Variants in CSMD1 observed in about 807,000 individuals in gnomAD.
CSMD1 encodes CUB and sushi domain-containing protein 1.
CSMD1 carries 213 observed loss-of-function variants against 417.5 expected under a neutral mutation model. The observed-to-expected ratio is 0.51, with a 90% CI of 0.46 to 0.57. The LOEUF is 0.57. CSMD1 is among the 20% of genes least tolerant of loss of function. The pLI, the probability that CSMD1 is intolerant of heterozygous loss-of-function variation, is 0.00. For missense variants in CSMD1, 6,923 were observed against 4,529.7 expected, an observed-to-expected ratio of 1.53 and a Z score of -15.17; for synonymous variants, 2,862 against 1,736.8, an observed-to-expected ratio of 1.65 and a Z score of -16.11.
intron 12 of CSMD1, among the ~76,000 whole-genome samples, chr8:3,411,064 C>T (rs554888136): frequency 4.1e-4 from 63 of 152,260 alleles, no homozygotes; most frequent in African/African-American, 1.5e-3. Context: ...AAGGGAGGCC[C>T]TGCCTGTTGG....
At chr8:3,889,177 T>C (rs1806774452) in intron 5 of CSMD1, among the ~76,000 whole-genome samples, 1 of 151,860 alleles carries the variant, frequency 6.6e-6, no homozygotes, top group South Asian at 2.1e-4. Context: ...AGTGTGACGA[T>C]GCAAGATTCG....
Position 4,297,710 on chromosome 8 carries a change from C to G in CSMD1, c.415+122243G>C, listed in dbSNP as rs543926076. Among the ~76,000 whole-genome samples, 5 of 152,198 alleles carry G rather than the reference C, an allele frequency of 3.3e-5. No individual in the cohort carries two copies. In the East Asian group the frequency reaches 9.6e-4, roughly 29 times the overall value. On this transcript the variant is annotated intron_variant, in intron 3 of 69. Transcript: ENST00000635120. ...GCATTAACCCGGAGCCATCGGTGAT[C>G]GCCTCTGTGTTGGAAGATCATTCAA...
intron 3 of CSMD1, among the ~76,000 whole-genome samples, chr8:4,126,422 C>A (rs1802769099): frequency 6.6e-6 from 1 of 152,110 alleles, no homozygotes; most frequent in African/African-American, 2.4e-5. Context: ...AGGACAGCAC[C>A]CTAGCGAAGA....
At chr8:4,350,742 C>T (rs1198965353) in intron 3 of CSMD1, among the ~76,000 whole-genome samples, 1 of 152,178 alleles carries the variant, frequency 6.6e-6, no homozygotes, top group Non-Finnish European at 1.5e-5. Context: ...TTGCTCTTCT[C>T]TAAATCCAGT....
At chr8:4,925,036 G>C (rs143139701) in intron 1 of CSMD1, among the ~76,000 whole-genome samples, 1 of 152,052 alleles carries the variant, frequency 6.6e-6, no homozygotes, top group East Asian at 1.9e-4. Flanking sequence ...CAAGTGACTT[G>C]AATTACTACA....
intron 3 of CSMD1, among the ~76,000 whole-genome samples, chr8:4,110,393 G>T (rs1291906733): frequency 6.6e-6 from 1 of 152,064 alleles, no homozygotes; most frequent in Non-Finnish European, 1.5e-5. Flanking sequence ...TCAGCCAGCA[G>T]AAAGAGTCAA....
intron 8 of CSMD1, among the ~76,000 whole-genome samples, chr8:3,612,313 C>T (rs1237852241): frequency 6.6e-6 from 1 of 152,050 alleles, no homozygotes; most frequent in Admixed American, 6.6e-5. Flanking sequence ...GAAGCAAAAA[C>T]TGATAAAGCT....
chr8:3,822,888 C>A (rs1285916833), intron 5 of CSMD1, among the ~76,000 whole-genome samples: 2 of 152,014 alleles, frequency 1.3e-5, no homozygotes, highest in Non-Finnish European at 2.9e-5. Flanking sequence ...TAAATGAGAA[C>A]CAGAGTAACT....
In CSMD1 at chr8:4,812,458, C is replaced by T. The variant is rs551845208; in HGVS notation, c.86-174900G>A. On this transcript the variant is annotated intron_variant, in intron 1 of 69. Coordinates refer to ENST00000635120, the MANE Select transcript of CSMD1 (RefSeq NM_033225.6). ...GTAAAAAGAGTACTTGAAACGTTCCCGACACATAGAAATAATACTTAAGTT... is the reference window on the plus strand; with the variant it reads ...GTAAAAAGAGTACTTGAAACGTTCCTGACACATAGAAATAATACTTAAGTT... Among the ~76,000 whole-genome samples the T allele has an allele frequency of 2.3e-4, 35 of 152,136 alleles. 1 individual carries two copies. The South Asian group carries it at 6.9e-3, about 30-fold the overall frequency.
intron 1 of CSMD1, among the ~76,000 whole-genome samples, chr8:4,760,236 T>C (rs1811954693): frequency 6.6e-6 from 1 of 152,216 alleles, no homozygotes; most frequent in Non-Finnish European, 1.5e-5. Context: ...TATGCACTAT[T>C]TTTAGAGTAC....
intron 4 of CSMD1, among the ~76,000 whole-genome samples, chr8:4,015,630 T>C (rs2688403): frequency 0.24 from 31,699 of 132,764 alleles, 4,345 homozygotes; most frequent in South Asian, 0.33. Context: ...AATACAACAG[T>C]CTCAAAATAG....
chr8:4,586,305 C>T (rs1453395855), intron 2 of CSMD1, among the ~76,000 whole-genome samples: 2 of 152,166 alleles, frequency 1.3e-5, no homozygotes, highest in African/African-American at 2.4e-5. Flanking sequence ...AATTTTTCCC[C>T]AGGCAATTCC....
At chr8:3,423,178 C>T (rs1301206672) in intron 12 of CSMD1, among the ~76,000 whole-genome samples, 1 of 152,142 alleles carries the variant, frequency 6.6e-6, no homozygotes, top group Non-Finnish European at 1.5e-5. Context: ...TTAGGTACCA[C>T]AAATTTTACC....
At chr8:3,286,044 T>C (rs1803129285) in intron 25 of CSMD1, among the ~76,000 whole-genome samples, 1 of 152,166 alleles carries the variant, frequency 6.6e-6, no homozygotes, top group Non-Finnish European at 1.5e-5. Flanking sequence ...TTCTCACTGT[T>C]CAACTCCCAC....
chr8:4,317,729 A>G (rs932906649), intron 3 of CSMD1, among the ~76,000 whole-genome samples: 1 of 152,180 alleles, frequency 6.6e-6, no homozygotes, highest in African/African-American at 2.4e-5. Context: ...AGCTCAGCTG[A>G]GTACATGTCT....
chr8:3,191,780 A>AAATAGTTAT (rs1796440540), intron 33 of CSMD1, among the ~76,000 whole-genome samples: 1 of 152,194 alleles, frequency 6.6e-6, no homozygotes, highest in African/African-American at 2.4e-5. Flanking sequence ...CAAACTCTGA[A>AAATAGTTAT]AATAGTTATG....
At chr8:4,191,210 C>G (rs1405834750) in intron 3 of CSMD1, among the ~76,000 whole-genome samples, 1 of 152,130 alleles carries the variant, frequency 6.6e-6, no homozygotes, top group Non-Finnish European at 1.5e-5. Flanking sequence ...TCCCGGCTAA[C>G]ATGGTGAAAC....
In CSMD1 at chr8:4,797,532, T is replaced by C. The variant is rs535641735; in HGVS notation, c.86-159974A>G. 1.4e-4 allele frequency among the ~76,000 whole-genome samples: 22 copies of C among 152,296 alleles called. No individual in the cohort carries two copies. The South Asian group carries it at 4.6e-3, about 32-fold the overall frequency. On this transcript the variant is annotated intron_variant, in intron 1 of 69. Transcript: ENST00000635120. ...TTAATGCAAAAACCACAATTCCTTT[T>C]GCACCAACCTGACCTAATAGCAAAA...
intron 25 of CSMD1, among the ~76,000 whole-genome samples, chr8:3,289,347 T>C (rs1306336189): frequency 1.4e-5 from 2 of 147,360 alleles, no homozygotes; most frequent in Non-Finnish European, 2.9e-5. Flanking sequence ...TACCCAGTAA[T>C]GGGATGGCTG....
Sources: allele counts gnomAD v4.1 joint callset (sites outside exome capture counted in the v4.1 genomes callset), GRCh38; gene constraint gnomAD v4.1.1; transcripts MANE v1.5; gene names NCBI Gene and HGNC (gene_info 2026-07-23, HGNC 2026-07-21).